Variants in BBX observed in about 807,000 individuals in gnomAD.
The protein encoded by BBX is HMG box transcription factor BBX.
Under a neutral mutation model 100.2 loss-of-function variants are expected in BBX, and 30 were observed. The ratio of observed to expected loss-of-function variants is 0.30; its 90% confidence interval spans 0.22 to 0.41. The LOEUF (loss-of-function observed/expected upper bound fraction) is 0.41. Ranked by LOEUF, BBX falls within the 10% of genes least tolerant of loss-of-function variation. The probability of loss-of-function intolerance (pLI) is 1.00; values close to 1 mark genes in which losing one functional copy is unlikely to be tolerated. For synonymous variants in BBX, 376 were observed against 388.1 expected, an observed-to-expected ratio of 0.97 and a Z score of 0.37; for missense variants, 1,023 against 1,129.8, an observed-to-expected ratio of 0.91 and a Z score of 1.35.
intron 10 of BBX, among the ~76,000 whole-genome samples, chr3:107,771,396 G>A (rs558360697): frequency 3.3e-5 from 3 of 89,644 alleles, no homozygotes; most frequent in East Asian, 1.5e-3. Flanking sequence ...TGTTCTGTAC[G>A]TGAAATTTGG....
At chr3:107,607,343 A>G (rs1391456182) in intron 2 of BBX, among the ~76,000 whole-genome samples, 1 of 152,132 alleles carries the variant, frequency 6.6e-6, no homozygotes, top group Non-Finnish European at 1.5e-5. Context: ...GGCCTCCCAA[A>G]GTGCTGGGAT....
rs376052878 is a variant in BBX at position 107,541,595 on chromosome 3, C to T, written c.-84+15197C>T. Among the ~76,000 whole-genome samples the T allele has an allele frequency of 7.2e-5, 11 of 152,158 alleles. No homozygotes were observed. In the East Asian group the frequency reaches 1.9e-3, roughly 27 times the overall value. On this transcript the variant is annotated intron_variant, in intron 2 of 17. Transcript: ENST00000325805. ...TGTATAGTGACCACATACTGACAAA[C>T]AATGAACTTTTAGGTGTATGTTGGG...
Position 107,621,989 on chromosome 3 carries a change from C to T in BBX, c.-83-23847C>T, listed in dbSNP as rs569898696. 4.4e-4 allele frequency among the ~76,000 whole-genome samples: 67 copies of T among 152,242 alleles called. 2 individuals carry two copies. The highest frequency in any genetic ancestry group is 4.8e-5 in the African/African-American group (2 of 41,534). On this transcript the variant is annotated intron_variant, in intron 2 of 17. Transcript: ENST00000325805. Reference sequence around the variant, plus strand: ...ATACTGGCTTTTTGTGTGTATCATTCTGTGAAGTTTAAAACATGTATAGAT... The same window carrying T: ...ATACTGGCTTTTTGTGTGTATCATTTTGTGAAGTTTAAAACATGTATAGAT...
intron 2 of BBX, among the ~76,000 whole-genome samples, chr3:107,634,540 AG>A (rs1413338667): frequency 6.6e-6 from 1 of 152,234 alleles, no homozygotes; most frequent in African/African-American, 2.4e-5. Context: ...AAGCCTATCA[AG>A]TCTATATCAT....
chr3:107,693,042 GTTGT>G (rs2060296738), intron 3 of BBX, among the ~76,000 whole-genome samples: 1 of 145,084 alleles, frequency 6.9e-6, no homozygotes, highest in South Asian at 2.3e-4. Context: ...TTTTGATGGG[GTTGT>G]TTGTTTTTTT....
chr3:107,526,487 A>T (rs774945546), intron 2 of BBX, 89 bp downstream of exon 2: 187 of 396,418 alleles, frequency 4.7e-4, no homozygotes, highest in South Asian at 1.2e-3. Context: ...AAGATGCTTT[A>T]TTGGGGTTAC....
intron 2 of BBX, among the ~76,000 whole-genome samples, chr3:107,561,139 A>AC (rs1346235137): frequency 6.6e-6 from 1 of 152,210 alleles, no homozygotes; most frequent in Non-Finnish European, 1.5e-5. Context: ...ATGCTAGCAA[A>AC]CCCAAGTGGA....
At chr3:107,706,058 C>T (rs1306907924) in intron 3 of BBX, among the ~76,000 whole-genome samples, 3 of 136,294 alleles carry the variant, frequency 2.2e-5, no homozygotes, top group Non-Finnish European at 4.6e-5. Flanking sequence ...GAGTCTCACT[C>T]TGTAGCCAGA....
At chr3:107,629,084 C>G (rs567475070) in intron 2 of BBX, among the ~76,000 whole-genome samples, 21 of 152,216 alleles carry the variant, frequency 1.4e-4, no homozygotes, top group African/African-American at 4.6e-4. Flanking sequence ...TTCCCCTCCC[C>G]ACCCATAAAA....
chr3:107,658,480 C>A (rs912798554), intron 3 of BBX, among the ~76,000 whole-genome samples: 2 of 152,120 alleles, frequency 1.3e-5, no homozygotes, highest in African/African-American at 4.8e-5. Flanking sequence ...TCTTCTTTCA[C>A]ACTTAGTGAA....
chr3:107,663,461 C>T (rs2058567800), intron 3 of BBX, among the ~76,000 whole-genome samples: 1 of 152,104 alleles, frequency 6.6e-6, no homozygotes, highest in African/African-American at 2.4e-5. Context: ...TTCTTTGTAG[C>T]CCACAGTGTG....
chr3:107,559,662 C>A (rs1043293649), intron 2 of BBX, among the ~76,000 whole-genome samples: 1 of 152,124 alleles, frequency 6.6e-6, no homozygotes, highest in African/African-American at 2.4e-5. Flanking sequence ...TAGAGGCAGT[C>A]ATTGAAAGCT....
intron 8 of BBX, among the ~76,000 whole-genome samples, chr3:107,744,935 ATAT>A (rs1363148581): frequency 6.6e-6 from 1 of 152,176 alleles, no homozygotes; most frequent in African/African-American, 2.4e-5. Context: ...GTCATACTAA[ATAT>A]TATTAACCTC....
chr3:107,709,480 T>G (rs1172472378), intron 3 of BBX, among the ~76,000 whole-genome samples: 3 of 152,250 alleles, frequency 2.0e-5, no homozygotes, highest in Non-Finnish European at 4.4e-5. Flanking sequence ...TGCTACCTGG[T>G]AATTTTAGCA....
chr3:107,791,226 G>C lies in BBX; in HGVS notation c.2294-14G>C. On this transcript the variant is annotated splice_polypyrimidine_tract_variant and intron_variant, in intron 14 of 17. Coordinates refer to ENST00000325805, the MANE Select transcript of BBX (RefSeq NM_001142568.3). ...GAGTTTCACTTTTCTTTCCTTTTCTGTCATTGTTTTTAGGAAGTGGGGATA... is the reference window on the plus strand; with the variant it reads ...GAGTTTCACTTTTCTTTCCTTTTCTCTCATTGTTTTTAGGAAGTGGGGATA... 1 of 1,610,198 alleles carries C rather than the reference G, an allele frequency of 6.2e-7. No individual in the cohort carries two copies. Among genetic ancestry groups the C allele is most frequent in the Non-Finnish European group, 8.5e-7 (1 of 1,177,172 alleles).
intron 2 of BBX, among the ~76,000 whole-genome samples, chr3:107,603,982 T>G (rs1004813545): frequency 5.3e-5 from 8 of 152,156 alleles, no homozygotes; most frequent in African/African-American, 1.9e-4. Context: ...GGCTTTATTG[T>G]GGTGGTCTGG....
intron 2 of BBX, among the ~76,000 whole-genome samples, chr3:107,634,733 C>G (rs982513647): frequency 7.9e-5 from 12 of 152,224 alleles, no homozygotes; most frequent in African/African-American, 2.7e-4. Context: ...AAAGCAGGCT[C>G]TGGCATTTCC....
chr3:107,716,329 T>A (rs2062100444), intron 4 of BBX: 1 of 322,834 alleles, frequency 3.1e-6, no homozygotes, highest in Non-Finnish European at 5.8e-6. Flanking sequence ...CACTGTTTAG[T>A]GAGAGAGAAA....
intron 3 of BBX, among the ~76,000 whole-genome samples, chr3:107,700,066 A>G (rs1201291054): frequency 6.6e-6 from 1 of 152,008 alleles, no homozygotes; most frequent in Non-Finnish European, 1.5e-5. Flanking sequence ...ACCATAGCCT[A>G]AGGGCTAGAG....
Sources: gnomAD v4.1 joint callset for allele counts (sites outside exome capture counted in the v4.1 genomes callset) on GRCh38, gnomAD v4.1.1 for gene constraint, MANE v1.5 for transcripts, NCBI Gene and HGNC (gene_info 2026-07-23, HGNC 2026-07-21) for gene names.